The following PDE11A variants were observed in gnomAD, a reference collection of about 807,000 sequenced individuals.
PDE11A encodes dual 3',5'-cyclic-AMP and -GMP phosphodiesterase 11A.
Under a neutral mutation model 100.5 loss-of-function variants are expected in PDE11A, and 100 were observed. The ratio of observed to expected loss-of-function variants is 1.00; its 90% CI spans 0.85 to 1.18. PDE11A has a LOEUF of 1.18. Ranked by LOEUF, PDE11A falls within the 50% of genes most tolerant of loss-of-function variation. PDE11A has a pLI of 0.00. For synonymous variants in PDE11A, 381 were observed against 420.8 expected, an observed-to-expected ratio of 0.91 and a Z score of 1.16; for missense variants, 1,141 against 1,152.6, an observed-to-expected ratio of 0.99 and a Z score of 0.15.
chr2:177,934,003 T>A (rs1188156346), intron 2 of PDE11A, among the ~76,000 whole-genome samples: 1 of 152,156 alleles, frequency 6.6e-6, no homozygotes, highest in Non-Finnish European at 1.5e-5. Flanking sequence ...AAGATTTAAA[T>A]GTAAAACTTC....
intron 18 of PDE11A, among the ~76,000 whole-genome samples, chr2:177,667,445 C>A (rs1228914036): frequency 6.6e-6 from 1 of 152,136 alleles, no homozygotes; most frequent in African/African-American, 2.4e-5. Flanking sequence ...AGGTAGGGAG[C>A]CAACTTCATT....
chr2:177,761,187 C>T (rs2082164804), intron 10 of PDE11A, among the ~76,000 whole-genome samples: 1 of 152,088 alleles, frequency 6.6e-6, no homozygotes, highest in Admixed American at 6.5e-5. Context: ...TTACAGCACA[C>T]TCCAAAGAGG....
chr2:177,727,827 C>A, intron 11 of PDE11A, 62 bp from the exon 12 acceptor site: 1 of 1,060,816 alleles, frequency 9.4e-7, no homozygotes, highest in South Asian at 1.3e-5. Context: ...ACCCTTATCT[C>A]AATGGTGCCT....
At chr2:177,729,737 G>A (rs985623950) in intron 10 of PDE11A, among the ~76,000 whole-genome samples, 3 of 152,272 alleles carry the variant, frequency 2.0e-5, no homozygotes, top group South Asian at 2.1e-4. Flanking sequence ...CCCTCCAACT[G>A]AGTTTTTGTA....
chr2:178,039,769 C>T (rs143904436), intron 1 of PDE11A, among the ~76,000 whole-genome samples: 14 of 152,010 alleles, frequency 9.2e-5, no homozygotes, highest in African/African-American at 1.4e-4. Flanking sequence ...GAACATTATA[C>T]GGCACTGGAA....
At chr2:178,033,101 T>C (rs1363789844) in intron 1 of PDE11A, among the ~76,000 whole-genome samples, 1 of 152,202 alleles carries the variant, frequency 6.6e-6, no homozygotes, top group African/African-American at 2.4e-5. Flanking sequence ...CAAACTCTTC[T>C]GAGCTAAAGG....
intron 2 of PDE11A, among the ~76,000 whole-genome samples, chr2:177,928,703 T>G (rs2085165296): frequency 1.3e-5 from 2 of 152,090 alleles, no homozygotes; most frequent in Non-Finnish European, 2.9e-5. Flanking sequence ...TTAAAAAAAT[T>G]CTTTTTTTAA....
chr2:178,079,302 T>C (rs1362439134), intron 2 of PDE11A, among the ~76,000 whole-genome samples: 4 of 151,832 alleles, frequency 2.6e-5, no homozygotes, highest in Non-Finnish European at 5.9e-5. Context: ...CCCGTCCCCT[T>C]GATGGGCCCT....
At chr2:177,637,918 C>CAT (rs1227542555) in intron 19 of PDE11A, among the ~76,000 whole-genome samples, 13 of 33,320 alleles carry the variant, frequency 3.9e-4, no homozygotes, top group Non-Finnish European at 2.3e-3. Context: ...TACATATATA[C>CAT]ACATACATAT....
chr2:177,945,081 C>G (rs1254838661), intron 2 of PDE11A, among the ~76,000 whole-genome samples: 1 of 150,100 alleles, frequency 6.7e-6, no homozygotes, highest in Non-Finnish European at 1.5e-5. Flanking sequence ...CTTGGCCTCC[C>G]GAGGTGCCGG....
chr2:178,018,525 G>C, intron 1 of PDE11A: 1 of 435,162 alleles, frequency 2.3e-6, no homozygotes. Flanking sequence ...ACTTATCTTT[G>C]CCTCTGCTCT....
At chr2:178,029,666 G>T (rs1200345735) in intron 1 of PDE11A, among the ~76,000 whole-genome samples, 1 of 152,090 alleles carries the variant, frequency 6.6e-6, no homozygotes, top group Non-Finnish European at 1.5e-5. Context: ...AAAAGTTAAT[G>T]AAAATGGCAG....
At chr2:177,708,125 C>A (rs2081306433) in intron 13 of PDE11A, among the ~76,000 whole-genome samples, 2 of 152,182 alleles carry the variant, frequency 1.3e-5, no homozygotes, top group Admixed American at 1.3e-4. Context: ...ACAACGTACA[C>A]AATGGGCTCC....
intron 2 of PDE11A, among the ~76,000 whole-genome samples, chr2:178,003,163 G>T (rs1370798549): frequency 6.6e-6 from 1 of 152,120 alleles, no homozygotes; most frequent in Non-Finnish European, 1.5e-5. Flanking sequence ...TTAAACACTA[G>T]AGTTATTTTA....
At chr2:177,867,684 C>G (rs2084054431) in intron 5 of PDE11A, among the ~76,000 whole-genome samples, 1 of 152,136 alleles carries the variant, frequency 6.6e-6, no homozygotes, top group African/African-American at 2.4e-5. Flanking sequence ...CGAGATCACC[C>G]CACTGCACTC....
chr2:177,794,023 G>A (rs2082670098), intron 9 of PDE11A, among the ~76,000 whole-genome samples: 1 of 152,186 alleles, frequency 6.6e-6, no homozygotes, highest in Admixed American at 6.6e-5. Context: ...CAAAAAAAGA[G>A]ACAAAAATCT....
At chr2:178,068,119 G>C (rs972165765) in intron 1 of PDE11A, among the ~76,000 whole-genome samples, 4 of 152,068 alleles carry the variant, frequency 2.6e-5, no homozygotes, top group Non-Finnish European at 5.9e-5. Flanking sequence ...TCAACCTCTT[G>C]AGGGCAATTT....
rs184947542 is a variant in PDE11A, at chr2:178,083,575, G to C, written c.162+20727C>G. On this transcript the variant is annotated intron_variant, in intron 2 of 20. Transcript: ENST00000358450. The stretch of plus-strand genomic sequence containing the variant: ...GACTGGCCAAGAAAGCACATGTCGA[G>C]GGCAGTCATATAGATCCAAAGACCC... Among the ~76,000 whole-genome samples the C allele has an allele frequency of 2.1e-3, 314 of 152,318 alleles. 2 individuals are homozygous for C. The highest frequency in any genetic ancestry group is 3.3e-3 in the Non-Finnish European group (223 of 68,034).
intron 17 of PDE11A, among the ~76,000 whole-genome samples, chr2:177,671,535 C>A (rs1242995110): frequency 6.6e-6 from 1 of 151,424 alleles, no homozygotes; most frequent in East Asian, 1.9e-4. Context: ...TAAAGAAGGG[C>A]CTATTGTTTT....
Sources: allele counts gnomAD v4.1 joint callset (sites outside exome capture counted in the v4.1 genomes callset), GRCh38; gene constraint gnomAD v4.1.1; transcripts MANE v1.5; gene names NCBI Gene and HGNC (gene_info 2026-07-23, HGNC 2026-07-21).